SCFD2: variants seen among roughly 807,000 people sequenced by gnomAD.
SCFD2 encodes sec1 family domain containing 2.
Under a neutral mutation model 58.9 loss-of-function variants are expected in SCFD2, and 54 were observed. That is an observed-to-expected ratio of 0.92 (90% CI 0.74 to 1.15). SCFD2 has a LOEUF of 1.15. Ranked by LOEUF, SCFD2 falls within the 50% of genes most tolerant of loss-of-function variation. The pLI, the probability that SCFD2 is intolerant of heterozygous loss-of-function variation, is 0.00. For synonymous variants in SCFD2, 321 were observed against 335.9 expected, an observed-to-expected ratio of 0.96 and a Z score of 0.49; for missense variants, 805 against 836.6, an observed-to-expected ratio of 0.96 and a Z score of 0.47.
chr4:53,351,105 G>A (rs1734206176), intron 2 of SCFD2, among the ~76,000 whole-genome samples: 1 of 152,194 alleles, frequency 6.6e-6, no homozygotes, highest in African/African-American at 2.4e-5. Flanking sequence ...AATAAAATAG[G>A]GGAATAACAA....
intron 5 of SCFD2, among the ~76,000 whole-genome samples, chr4:53,037,745 GA>G (rs571646587): frequency 2.5e-3 from 380 of 152,186 alleles, no homozygotes; most frequent in African/African-American, 8.6e-3. Context: ...ACTCTTTTTG[GA>G]CACTATGTTG....
chr4:53,052,354 C>A (rs1560314931), intron 5 of SCFD2, among the ~76,000 whole-genome samples: 1 of 152,174 alleles, frequency 6.6e-6, no homozygotes, highest in Non-Finnish European at 1.5e-5. Context: ...AAAACAAAAT[C>A]TTTCCCAGTC....
intron 5 of SCFD2, among the ~76,000 whole-genome samples, chr4:52,930,175 G>A (rs1482364604): frequency 2.0e-5 from 3 of 152,094 alleles, no homozygotes; most frequent in African/African-American, 7.2e-5. Context: ...CAATGGAACA[G>A]AATAGAGATC....
intron 8 of SCFD2, among the ~76,000 whole-genome samples, chr4:52,880,012 A>G (rs1390226489): frequency 6.6e-6 from 1 of 152,204 alleles, no homozygotes; most frequent in African/African-American, 2.4e-5. Context: ...ACGCACACAT[A>G]CACACACACC....
intron 2 of SCFD2, among the ~76,000 whole-genome samples, chr4:53,342,512 G>A (rs1412167838): frequency 6.6e-6 from 1 of 152,156 alleles, no homozygotes; most frequent in Non-Finnish European, 1.5e-5. Flanking sequence ...AATAATGGGA[G>A]ATGTTAACAC....
intron 5 of SCFD2, among the ~76,000 whole-genome samples, chr4:53,021,890 G>A (rs1722358256): frequency 1.3e-5 from 2 of 152,148 alleles, no homozygotes; most frequent in Admixed American, 6.6e-5. Context: ...ACAGAACCCA[G>A]GTGACACTCT....
chr4:53,090,857 G>A (rs531405280), intron 5 of SCFD2, among the ~76,000 whole-genome samples: 1 of 152,196 alleles, frequency 6.6e-6, no homozygotes, highest in East Asian at 1.9e-4. Flanking sequence ...TATGGGATAA[G>A]CACTATCATC....
intron 5 of SCFD2, among the ~76,000 whole-genome samples, chr4:52,973,504 C>A (rs1412692138): frequency 2.0e-5 from 3 of 152,212 alleles, no homozygotes; most frequent in South Asian, 2.1e-4. Context: ...CAATAACAGG[C>A]TCTGAAATTG....
chr4:53,035,676 G>T (rs1475202028), intron 5 of SCFD2, among the ~76,000 whole-genome samples: 5 of 152,164 alleles, frequency 3.3e-5, no homozygotes, highest in African/African-American at 1.2e-4. Context: ...GATATGAACA[G>T]ACACTTCTCA....
intron 5 of SCFD2, among the ~76,000 whole-genome samples, chr4:52,937,801 T>C (rs985399535): frequency 1.3e-5 from 2 of 152,016 alleles, no homozygotes; most frequent in African/African-American, 4.8e-5. Context: ...AGCTGGCAAG[T>C]GAAGGAAAAA....
At chr4:53,111,343 A>G (rs756147998) in intron 5 of SCFD2, among the ~76,000 whole-genome samples, 3 of 152,132 alleles carry the variant, frequency 2.0e-5, no homozygotes, top group East Asian at 1.9e-4. Context: ...AATCATAAAA[A>G]AAGAAGAATT....
At chr4:53,284,118 CAA>C (rs561985080) in intron 3 of SCFD2, among the ~76,000 whole-genome samples, 25 of 82,180 alleles carry the variant, frequency 3.0e-4, no homozygotes, top group African/African-American at 7.6e-4. Flanking sequence ...GACTCCATCT[CAA>C]AAAAAAAAAA....
chr4:53,173,740 C>T (rs1342820152), intron 4 of SCFD2, among the ~76,000 whole-genome samples: 1 of 151,928 alleles, frequency 6.6e-6, no homozygotes, highest in African/African-American at 2.4e-5. Context: ...CAGTTTTGTA[C>T]TTCTTTTATG....
chr4:52,882,185 T>TA (rs1718630567), intron 8 of SCFD2, among the ~76,000 whole-genome samples: 2 of 152,110 alleles, frequency 1.3e-5, no homozygotes, highest in African/African-American at 4.8e-5. Flanking sequence ...GTGGGGTGGC[T>TA]ACAGGAACTG....
intron 4 of SCFD2, among the ~76,000 whole-genome samples, chr4:53,170,917 CA>C (rs1727160137): frequency 6.6e-6 from 1 of 152,154 alleles, no homozygotes; most frequent in African/African-American, 2.4e-5. Flanking sequence ...TTAGTTCTAA[CA>C]GCTTTTAGTG....
At chr4:53,031,166 C>A (rs998956145) in intron 5 of SCFD2, among the ~76,000 whole-genome samples, 3 of 152,092 alleles carry the variant, frequency 2.0e-5, no homozygotes, top group African/African-American at 7.2e-5. Flanking sequence ...CCAACAAACT[C>A]CAGCAGACTG....
chr4:53,320,945 A>G (rs1466657531), intron 2 of SCFD2, among the ~76,000 whole-genome samples: 1 of 152,226 alleles, frequency 6.6e-6, no homozygotes, highest in African/African-American at 2.4e-5. Flanking sequence ...GTTAAAATAG[A>G]TTCCTTGAAA....
intron 4 of SCFD2, among the ~76,000 whole-genome samples, chr4:53,147,641 C>T (rs1335301407): frequency 2.0e-5 from 3 of 152,160 alleles, no homozygotes; most frequent in East Asian, 1.9e-4. Flanking sequence ...GTTTTGAAGA[C>T]ACCCTAGGGC....
intron 5 of SCFD2, among the ~76,000 whole-genome samples, chr4:53,063,467 G>A (rs1274949485): frequency 6.6e-6 from 1 of 152,084 alleles, no homozygotes; most frequent in Non-Finnish European, 1.5e-5. Flanking sequence ...AGGGGAGGAA[G>A]GAGAAAGGCC....
Sources: gnomAD v4.1 joint callset for allele counts (sites outside exome capture counted in the v4.1 genomes callset) on GRCh38, gnomAD v4.1.1 for gene constraint, MANE v1.5 for transcripts, NCBI Gene and HGNC (gene_info 2026-07-23, HGNC 2026-07-21) for gene names.